Variants in ZNF718 observed in about 807,000 individuals in gnomAD.
ZNF718 encodes the protein zinc finger protein 718.
A neutral mutation model predicts 2.6 loss-of-function variants in ZNF718; 3 were observed. The ratio of observed to expected loss-of-function variants is 1.16; its 90% CI spans 0.53 to 3.01. ZNF718 has a LOEUF of 3.01. Ranked by LOEUF, ZNF718 falls within the 30% of genes most tolerant of loss-of-function variation. The pLI, the probability that ZNF718 is intolerant of heterozygous loss-of-function variation, is 0.03. For missense variants in ZNF718, 468 were observed against 230.0 expected, an observed-to-expected ratio of 2.03 and a Z score of -6.69; for synonymous variants, 135 against 77.9, an observed-to-expected ratio of 1.73 and a Z score of -3.86.
intron 3 of ZNF718, among the ~76,000 whole-genome samples, chr4:198,430 G>C (rs1281307309): frequency 6.6e-6 from 1 of 152,160 alleles, no homozygotes; most frequent in Admixed American, 6.5e-5. Flanking sequence ...AAGTTCAGGT[G>C]GCAAGAGGGA....
In ZNF718 at chr4:171,155, A is replaced by G. The variant is rs528337115; in HGVS notation, c.227-29926A>G. Among the ~76,000 whole-genome samples the G allele has an allele frequency of 1.8e-3, 279 of 152,248 alleles. 2 individuals are homozygous for G. Among genetic ancestry groups the G allele is most frequent in the African/African-American group, 6.1e-3 (252 of 41,538 alleles). ...GGGTATCAGCAGCAGAAGCTGCAGAACAGCGGATATTGGTGAACAGCAGAT... is the reference window on the plus strand; with the variant it reads ...GGGTATCAGCAGCAGAAGCTGCAGAGCAGCGGATATTGGTGAACAGCAGAT... On this transcript the variant is annotated intron_variant and NMD_transcript_variant, in intron 3 of 4. Coordinates refer to the ZNF718 transcript ENST00000642529.
At chr4:192,189 G>A (rs1717705830) in intron 3 of ZNF718, among the ~76,000 whole-genome samples, 1 of 152,132 alleles carries the variant, frequency 6.6e-6, no homozygotes, top group Admixed American at 6.5e-5. Context: ...CTCAGCTCGA[G>A]CCGGAACAAA....
At chr4:173,038 C>T (rs1717271759) in intron 3 of ZNF718, among the ~76,000 whole-genome samples, 1 of 151,666 alleles carries the variant, frequency 6.6e-6, no homozygotes. Flanking sequence ...AGTGAGACTC[C>T]ATCTTAAAAA....
In ZNF718 at chr4:194,504, G is replaced by A. The variant is rs187068647; in HGVS notation, c.227-6577G>A. Among the ~76,000 whole-genome samples the A allele has an allele frequency of 3.5e-4, 54 of 152,302 alleles. 1 individual carries two copies. The highest frequency in any genetic ancestry group is 1.3e-3 in the African/African-American group (54 of 41,584). ...TGTGGGGAATTGTTCTTTTTCCTCT[G>A]TTGTTATCCTATCTTTGACCTGACT... On this transcript the variant is annotated intron_variant and NMD_transcript_variant, in intron 3 of 4. Transcript: ENST00000642529.
intron 3 of ZNF718, among the ~76,000 whole-genome samples, chr4:171,166 T>G (rs1717217359): frequency 6.6e-6 from 1 of 152,180 alleles, no homozygotes; most frequent in South Asian, 2.1e-4. Context: ...CAGCGGATAT[T>G]GGTGAACAGC....
chr4:177,809 C>A (rs2108812362), intron 3 of ZNF718, among the ~76,000 whole-genome samples: 1 of 152,034 alleles, frequency 6.6e-6, no homozygotes, highest in African/African-American at 2.4e-5. Context: ...TACGGAAGAC[C>A]CACAGTGCCC....
intron 3 of ZNF718, among the ~76,000 whole-genome samples, chr4:159,612 C>T (rs537365485): frequency 6.6e-6 from 1 of 151,988 alleles, no homozygotes; most frequent in East Asian, 1.9e-4. Context: ...ATGTCTCAGT[C>T]ATTATTGTTG....
At chr4:148,921 G>A (rs189664126) in intron 3 of ZNF718, among the ~76,000 whole-genome samples, 28 of 152,224 alleles carry the variant, frequency 1.8e-4, no homozygotes, top group Non-Finnish European at 2.9e-4. Flanking sequence ...TATTTCATTC[G>A]GTAGCTGGGA....
chr4:135,732 T>A (rs1389942758), intron 3 of ZNF718, among the ~76,000 whole-genome samples: 1 of 77,632 alleles, frequency 1.3e-5, no homozygotes, highest in Non-Finnish European at 2.6e-5. Context: ...TACTCTAGAG[T>A]TATATATATG....
At chr4:174,230 T>G (rs1717303957) in intron 3 of ZNF718, among the ~76,000 whole-genome samples, 1 of 152,148 alleles carries the variant, frequency 6.6e-6, no homozygotes, top group African/African-American at 2.4e-5. Flanking sequence ...TAACTTTTTC[T>G]TACAAATTTT....
At chr4:134,474 T>G (rs1477062252) in intron 3 of ZNF718, among the ~76,000 whole-genome samples, 1 of 152,208 alleles carries the variant, frequency 6.6e-6, no homozygotes, top group East Asian at 1.9e-4. Context: ...AAGGTTACAC[T>G]TAAGTTTCAA....
At chr4:160,271 A>G (rs1357424269) in intron 3 of ZNF718, among the ~76,000 whole-genome samples, 2 of 152,200 alleles carry the variant, frequency 1.3e-5, no homozygotes, top group Non-Finnish European at 2.9e-5. Flanking sequence ...GCACAATGCT[A>G]TATTTGTGGG....
chr4:169,310 A>C (rs1441198355), intron 3 of ZNF718, among the ~76,000 whole-genome samples: 9 of 152,200 alleles, frequency 5.9e-5, no homozygotes, highest in African/African-American at 2.2e-4. Flanking sequence ...TGTGGTGCTG[A>C]GAAGAATGTA....
rs576984692 is a variant in ZNF718 at position 200,875 on chromosome 4, C to A, written c.227-206C>A. On this transcript the variant is annotated intron_variant and NMD_transcript_variant, in intron 3 of 4. Transcript: ENST00000642529. ...TAAATAGCAAATTCACAAGGCAATA[C>A]TTCCACAGAACTATCATCCCATGTC... 2.6e-5 allele frequency among the ~76,000 whole-genome samples: 4 copies of A among 152,282 alleles called. No homozygotes were observed. In the South Asian group the frequency reaches 6.2e-4, roughly 24 times the overall value.
intron 3 of ZNF718, among the ~76,000 whole-genome samples, chr4:157,903 T>C (rs1430089393): frequency 1.3e-5 from 2 of 152,170 alleles, no homozygotes; most frequent in African/African-American, 4.8e-5. Context: ...GTCTTTTTGT[T>C]TTATTCATTA....
At chr4:155,099 A>C (rs1716503607) in intron 3 of ZNF718, among the ~76,000 whole-genome samples, 1 of 152,064 alleles carries the variant, frequency 6.6e-6, no homozygotes, top group Non-Finnish European at 1.5e-5. Flanking sequence ...GGTACACAGA[A>C]GTCAAAAGCG....
Position 161,656 on chromosome 4 carries a change from CAG to C in ZNF718, c.973_974del (p.Asp325LeufsTer3). On this transcript the variant is annotated frameshift_variant, in exon 4 of 4. Transcript: ENST00000510175. LOFTEE classifies it low-confidence loss of function (END_TRUNC). Reference sequence around the variant, plus strand: ...TGTGGCAATGTCTTTACCACATCCTCAGACTTTGCTAAACATAAGAGAATTCA... The same window carrying C: ...TGTGGCAATGTCTTTACCACATCCTCACTTTGCTAAACATAAGAGAATTCA... The C allele has an allele frequency of 1.3e-6, 1 of 779,610 alleles. No individual in the cohort carries two copies. Among genetic ancestry groups the C allele is most frequent in the Non-Finnish European group, 2.4e-6 (1 of 417,266 alleles). The allele number at this position is 779,610 out of a possible 1,614,324, so 48.3% of individuals were successfully genotyped here. A position where few individuals can be genotyped will look rare whatever the true frequency, so the allele number is the denominator to read the frequency against.
rs1261089648 is a variant in ZNF718 at position 132,053 on chromosome 4, A to G, written c.226+548A>G. 3.6e-3 allele frequency among the ~76,000 whole-genome samples: 352 copies of G among 96,734 alleles called. 98 individuals are homozygous for G. The highest frequency in any genetic ancestry group is 0.012 in the African/African-American group (340 of 27,624). The allele number at this position is 96,734 out of a possible 152,430, so 63.5% of individuals were successfully genotyped here. A position where few individuals can be genotyped will look rare whatever the true frequency, so the allele number is the denominator to read the frequency against. ...GAGCGAGACTCCGTCTCAAAAAAAAAAAAAACCCAGGAGGCAGAGGTTGCG... is the reference window on the plus strand; with the variant it reads ...GAGCGAGACTCCGTCTCAAAAAAAAGAAAAACCCAGGAGGCAGAGGTTGCG... On this transcript the variant is annotated intron_variant, in intron 3 of 3. Coordinates refer to ENST00000510175, the MANE Select transcript of ZNF718 (RefSeq NM_001039127.6).
At chr4:158,952 T>A (rs1460658679) in intron 3 of ZNF718, among the ~76,000 whole-genome samples, 2 of 151,876 alleles carry the variant, frequency 1.3e-5, no homozygotes, top group African/African-American at 4.8e-5. Context: ...TTTGGTTATC[T>A]TGCAAGGTCT....
Sources: allele counts gnomAD v4.1 joint callset (sites outside exome capture counted in the v4.1 genomes callset), GRCh38; gene constraint gnomAD v4.1.1; transcripts MANE v1.5; gene names NCBI Gene and HGNC (gene_info 2026-07-23, HGNC 2026-07-21).